The following NKAIN3 variants were observed in gnomAD, a reference collection of about 807,000 sequenced individuals.
The protein encoded by NKAIN3 is sodium/potassium transporting ATPase interacting 3.
A neutral mutation model predicts 30.2 loss-of-function variants in NKAIN3; 25 were observed. That is an observed-to-expected ratio of 0.83 (90% CI 0.60 to 1.16). NKAIN3 has a LOEUF of 1.16. NKAIN3 is among the 50% of genes most tolerant of loss of function. The probability of loss-of-function intolerance (pLI) is 0.00; values close to 1 mark genes in which losing one functional copy is unlikely to be tolerated. For missense variants in NKAIN3, 225 were observed against 254.1 expected (o/e 0.89, Z 0.78); for synonymous variants, 91 against 89.6 (o/e 1.02, Z -0.09).
intron 1 of NKAIN3, among the ~76,000 whole-genome samples, chr8:62,315,121 G>A (rs981069448): frequency 1.3e-5 from 2 of 152,122 alleles, no homozygotes; most frequent in African/African-American, 4.8e-5. Flanking sequence ...TTCTAACAAG[G>A]ATAGCAAATC....
At chr8:62,641,011 ATT>A (rs111547256) in intron 3 of NKAIN3, among the ~76,000 whole-genome samples, 5 of 146,688 alleles carry the variant, frequency 3.4e-5, no homozygotes, top group African/African-American at 1.2e-4. Context: ...TCATTTATTT[ATT>A]TTTTTTTTTT....
intron 4 of NKAIN3, among the ~76,000 whole-genome samples, chr8:62,811,279 A>T (rs1050060277): frequency 2.0e-5 from 3 of 152,114 alleles, no homozygotes; most frequent in African/African-American, 4.8e-5. Flanking sequence ...GTGAAAGGAC[A>T]TCTATGTTGT....
At chr8:62,810,527 T>C (rs1818453523) in intron 4 of NKAIN3, among the ~76,000 whole-genome samples, 1 of 152,158 alleles carries the variant, frequency 6.6e-6, no homozygotes, top group South Asian at 2.1e-4. Flanking sequence ...AAACTAGATA[T>C]CTCTTTTAAT....
At chr8:62,863,033 G>A in intron 4 of NKAIN3, 1 of 713,208 alleles carries the variant, frequency 1.4e-6, no homozygotes, top group Non-Finnish European at 2.4e-6. Flanking sequence ...ATGCAAGGAT[G>A]TGACTATGGA....
intron 3 of NKAIN3, among the ~76,000 whole-genome samples, chr8:62,746,297 C>T (rs560049718): frequency 3.4e-4 from 52 of 152,264 alleles, no homozygotes; most frequent in East Asian, 7.7e-4. Flanking sequence ...AGAATATACA[C>T]GATTGCATTT....
chr8:62,648,791 T>C (rs1192416749), intron 3 of NKAIN3, among the ~76,000 whole-genome samples: 1 of 152,120 alleles, frequency 6.6e-6, no homozygotes, highest in Non-Finnish European at 1.5e-5. Context: ...CCTCCATGGG[T>C]CCAGGCTGGT....
At chr8:62,728,896 A>G (rs911254012) in intron 3 of NKAIN3, among the ~76,000 whole-genome samples, 5 of 151,226 alleles carry the variant, frequency 3.3e-5, no homozygotes, top group Admixed American at 2.0e-4. Flanking sequence ...AGGCTGAGGC[A>G]GGAGAATGGC....
intron 1 of NKAIN3, among the ~76,000 whole-genome samples, chr8:62,323,921 A>C (rs1483642635): frequency 6.6e-6 from 1 of 152,184 alleles, no homozygotes; most frequent in Non-Finnish European, 1.5e-5. Context: ...GGGCACAATA[A>C]AACGATTAGT....
intron 4 of NKAIN3, among the ~76,000 whole-genome samples, chr8:62,774,095 T>A (rs55827434): frequency 0.19 from 29,519 of 152,126 alleles, 3,262 homozygotes; most frequent in African/African-American, 0.29. Flanking sequence ...CAGTGTTTCA[T>A]AGTTTTCATT....
intron 1 of NKAIN3, among the ~76,000 whole-genome samples, chr8:62,302,056 T>G (rs1814066623): frequency 6.6e-6 from 1 of 152,078 alleles, no homozygotes; most frequent in Non-Finnish European, 1.5e-5. Context: ...CTTCCCTAAT[T>G]ATTCTACAAG....
intron 4 of NKAIN3, among the ~76,000 whole-genome samples, chr8:62,806,382 T>G (rs1481347390): frequency 6.6e-6 from 1 of 152,170 alleles, no homozygotes; most frequent in African/African-American, 2.4e-5. Context: ...CTATTCACAA[T>G]AGCAAGGACT....
intron 5 of NKAIN3, among the ~76,000 whole-genome samples, chr8:62,930,287 C>T (rs578063152): frequency 6.6e-6 from 1 of 152,038 alleles, no homozygotes; most frequent in African/African-American, 2.4e-5. Context: ...AAGTCTCATT[C>T]TTGTCCCCCA....
At chr8:62,944,066 T>C in intron 5 of NKAIN3, among the ~76,000 whole-genome samples, 1 of 152,054 alleles carries the variant, frequency 6.6e-6, no homozygotes, top group Admixed American at 6.6e-5. Context: ...TGTATACTGC[T>C]TGGGTGATGG....
chr8:62,306,711 A>G (rs185512907), intron 1 of NKAIN3, among the ~76,000 whole-genome samples: 8 of 150,240 alleles, frequency 5.3e-5, no homozygotes, highest in Admixed American at 4.6e-4. Context: ...TAGTGGAATC[A>G]TAGGTTTGGC....
At chr8:62,891,027 A>G (rs1821281958) in intron 4 of NKAIN3, among the ~76,000 whole-genome samples, 1 of 152,194 alleles carries the variant, frequency 6.6e-6, no homozygotes, top group Non-Finnish European at 1.5e-5. Flanking sequence ...CTGAAGGCCA[A>G]TGGGCAGAGG....
At chr8:62,848,075 A>G (rs1369455235) in intron 4 of NKAIN3, among the ~76,000 whole-genome samples, 1 of 152,144 alleles carries the variant, frequency 6.6e-6, no homozygotes, top group Non-Finnish European at 1.5e-5. Context: ...CATTTTGGTT[A>G]CTGTAGCCTT....
intron 3 of NKAIN3, among the ~76,000 whole-genome samples, chr8:62,711,570 C>T (rs1248477385): frequency 7.4e-6 from 1 of 134,374 alleles, no homozygotes; most frequent in Non-Finnish European, 1.6e-5. Flanking sequence ...AAAAGTGCAT[C>T]CAAAGTTTCC....
At chr8:62,483,804 G>A in intron 1 of NKAIN3, 2 of 229,904 alleles carry the variant, frequency 8.7e-6, no homozygotes, top group South Asian at 6.1e-5. Flanking sequence ...CCTGTTGGCT[G>A]CCCCCTTTCC....
chr8:62,928,367 G>A (rs1158634247), intron 5 of NKAIN3, among the ~76,000 whole-genome samples: 1 of 152,022 alleles, frequency 6.6e-6, no homozygotes, highest in Non-Finnish European at 1.5e-5. Context: ...TTTAAGTACA[G>A]AAAATCTATA....
Sources: allele counts gnomAD v4.1 joint callset (sites outside exome capture counted in the v4.1 genomes callset), GRCh38; gene constraint gnomAD v4.1.1; transcripts MANE v1.5; gene names NCBI Gene and HGNC (gene_info 2026-07-23, HGNC 2026-07-21).